The following CRISPLD2 variants were observed in gnomAD, a reference collection of about 807,000 sequenced individuals.
CRISPLD2 encodes the protein cysteine rich secretory protein LCCL domain containing 2.
A neutral mutation model predicts 71.1 loss-of-function variants in CRISPLD2; 47 were observed. That is an observed-to-expected ratio of 0.66 (90% CI 0.52 to 0.84). CRISPLD2 has a LOEUF of 0.84. Among genes scored for constraint, CRISPLD2 ranks in the 40% least tolerant of loss-of-function variants. The probability of loss-of-function intolerance (pLI) is 0.00; values close to 1 mark genes in which losing one functional copy is unlikely to be tolerated. For missense variants in CRISPLD2, 830 were observed against 651.1 expected (o/e 1.27, Z -2.99); for synonymous variants, 317 against 250.1 (o/e 1.27, Z -2.52).
At chr16:84,875,915 C>A (rs927959614) in intron 11 of CRISPLD2, among the ~76,000 whole-genome samples, 2 of 151,958 alleles carry the variant, frequency 1.3e-5, no homozygotes, top group African/African-American at 4.8e-5. Flanking sequence ...GAATGATCTC[C>A]CCATTGAATA....
At chr16:84,849,580 C>T (rs908001672) in intron 4 of CRISPLD2, 63 bp downstream of exon 4, 24 of 1,493,318 alleles carry the variant, frequency 1.6e-5, no homozygotes, top group Non-Finnish European at 1.6e-5. Flanking sequence ...CACCCCCTGC[C>T]CCTGGGGGAT....
intron 4 of CRISPLD2, 131 bp downstream of exon 4, chr16:84,849,648 T>C (rs1310265756): frequency 2.8e-5 from 26 of 932,194 alleles, no homozygotes; most frequent in Non-Finnish European, 4.0e-5. Context: ...AATTCAGTTC[T>C]ATACAGAGTA....
rs781115960 is a variant in CRISPLD2 at position 84,885,812 on chromosome 16, C to CTTTTTTTT, written c.1306-3403_1306-3396dup. 4.7e-4 allele frequency among the ~76,000 whole-genome samples: 45 copies of CTTTTTTTT among 95,776 alleles called. 1 individual carries two copies. Among genetic ancestry groups the CTTTTTTTT allele is most frequent in the South Asian group, 7.4e-4 (2 of 2,716 alleles). 62.8% of individuals were successfully genotyped at this position (95,776 alleles called of 152,430 possible). A position where few individuals can be genotyped will look rare whatever the true frequency, so the allele number is the denominator to read the frequency against. On this transcript the variant is annotated intron_variant, in intron 13 of 14. Transcript: ENST00000262424. ...TTAATGTGGGAATGTTGGATCCCTT[C>CTTTTTTTT]TTTTTTTTTTTTTTTTTTTTTTGAG...
Position 84,906,947 on chromosome 16 carries a change from T to C in CRISPLD2, c.*305T>C, listed in dbSNP as rs2071808316. 6.9e-6 allele frequency: 3 copies of C among 433,130 alleles called. No individual in the cohort carries two copies. The highest frequency in any genetic ancestry group is 6.1e-5 in the African/African-American group (3 of 49,498). The allele number at this position is 433,130 out of a possible 1,614,324, so 26.8% of individuals were successfully genotyped here. On this transcript the variant is annotated 3_prime_UTR_variant, in exon 15 of 15. Transcript: ENST00000262424. ...TCTTAAAGGGGACAGTTGCCCAAAA[T>C]GTTCCTTGCTATGTGTTCTTCTGTT...
intron 14 of CRISPLD2, among the ~76,000 whole-genome samples, chr16:84,896,568 C>G (rs1372791603): frequency 1.3e-5 from 2 of 152,012 alleles, no homozygotes; most frequent in Non-Finnish European, 2.9e-5. Flanking sequence ...GTAAAATAGG[C>G]CTGTGTTAGG....
chr16:84,867,991 T>C (rs1206077300), intron 7 of CRISPLD2, among the ~76,000 whole-genome samples: 1 of 152,172 alleles, frequency 6.6e-6, no homozygotes, highest in Non-Finnish European at 1.5e-5. Flanking sequence ...GCGTTTTTGC[T>C]CAGGCGGGGC....
At chr16:84,880,402 C>A in intron 12 of CRISPLD2, 107 bp from the exon 13 acceptor site, 1 of 800,816 alleles carries the variant, frequency 1.2e-6, no homozygotes, top group South Asian at 2.1e-5. Flanking sequence ...ATGGCGGTTT[C>A]CTTTCATCTA....
chr16:84,831,835 A>G (rs1916496490), intron 1 of CRISPLD2, among the ~76,000 whole-genome samples: 1 of 152,188 alleles, frequency 6.6e-6, no homozygotes, highest in Admixed American at 6.5e-5. Flanking sequence ...CCCAGATTCA[A>G]GTGATTTTCC....
At chr16:84,881,369 G>A (rs978803730) in intron 13 of CRISPLD2, among the ~76,000 whole-genome samples, 9 of 152,012 alleles carry the variant, frequency 5.9e-5, no homozygotes, top group African/African-American at 1.4e-4. Flanking sequence ...TTTTCCCTCC[G>A]AATTTTAACC....
intron 14 of CRISPLD2, among the ~76,000 whole-genome samples, chr16:84,889,641 T>C (rs2934477): frequency 6.6e-6 from 1 of 151,572 alleles, no homozygotes; most frequent in Non-Finnish European, 1.5e-5. Context: ...AGAAAATTTA[T>C]AATCTGTAGG....
intron 1 of CRISPLD2, among the ~76,000 whole-genome samples, chr16:84,824,160 A>T (rs1254222468): frequency 1.3e-5 from 2 of 152,128 alleles, no homozygotes; most frequent in Non-Finnish European, 2.9e-5. Context: ...AGGCAGAGGC[A>T]CCGTGTGTGT....
intron 2 of CRISPLD2, 71 bp downstream of exon 2, chr16:84,838,806 C>T: frequency 6.5e-7 from 1 of 1,542,100 alleles, no homozygotes. Context: ...GCTCTGTTCC[C>T]CAGCCAGCTC....
intron 5 of CRISPLD2, 24 bp from the exon 6 acceptor site, chr16:84,854,705 G>A (rs376944221): frequency 2.5e-6 from 4 of 1,591,010 alleles, no homozygotes; most frequent in Non-Finnish European, 3.5e-6. Flanking sequence ...TCCCTCTGAC[G>A]GTTGTTTTTG....
Position 84,896,365 on chromosome 16 carries a change from A to G in CRISPLD2, c.1439+7002A>G, listed in dbSNP as rs945547820. Among the ~76,000 whole-genome samples the G allele has an allele frequency of 2.0e-5, 3 of 151,284 alleles. No homozygotes were observed. In the East Asian group the frequency reaches 5.8e-4, roughly 29 times the overall value. ...TGCCCAGCCAGGATTGGAATCCTTT[A>G]AAAAAAAAGACTATATATAGAGAGA... On this transcript the variant is annotated intron_variant, in intron 14 of 14. Transcript: ENST00000262424.
intron 10 of CRISPLD2, chr16:84,873,418 C>T (rs1015906606): frequency 2.2e-5 from 4 of 185,960 alleles, no homozygotes; most frequent in Non-Finnish European, 3.1e-5. Context: ...GCAGAGGTTG[C>T]AGTGAGCTAA....
chr16:84,901,279 TATA>T (rs2143386255), intron 14 of CRISPLD2, among the ~76,000 whole-genome samples: 1 of 152,150 alleles, frequency 6.6e-6, no homozygotes, highest in Non-Finnish European at 1.5e-5. Flanking sequence ...AGGGAAAAAA[TATA>T]ATAATTGTTA....
At chr16:84,852,808 C>T (rs1262443358) in intron 5 of CRISPLD2, among the ~76,000 whole-genome samples, 2 of 152,146 alleles carry the variant, frequency 1.3e-5, no homozygotes, top group Admixed American at 6.5e-5. Flanking sequence ...GTGGCTCATG[C>T]CTGTAATCCC....
Position 84,854,757 on chromosome 16 carries a change from A to G in CRISPLD2, c.637A>G (p.Lys213Glu), listed in dbSNP as rs1395492483. 1.9e-6 allele frequency: 3 copies of G among 1,614,002 alleles called. No homozygotes were observed. The highest frequency in any genetic ancestry group is 2.2e-5 in the East Asian group (1 of 44,892). Residue 213 changes from lysine to glutamate, a missense_variant, in exon 6 of 15, where the codon AAG becomes GAG. By Grantham distance (56) the Lys-to-Glu change is moderately conservative (BLOSUM62 1). Coordinates refer to ENST00000262424, the MANE Select transcript of CRISPLD2 (RefSeq NM_031476.4). The part of the protein sequence containing the change: ...KGNWIGEAPY[K>E]NGRPCSECPP... ...GAACTGGATTGGAGAAGCCCCCTAC[A>G]AGAATGGCCGGCCCTGCTCTGAGTG... is the stretch of plus-strand genomic sequence containing the variant.
chr16:84,821,695 C>G (rs565769182), intron 1 of CRISPLD2, among the ~76,000 whole-genome samples: 36 of 152,152 alleles, frequency 2.4e-4, no homozygotes, highest in South Asian at 4.1e-4. Context: ...GGACAATGTA[C>G]CCAGGGAGGA....
Sources: gnomAD v4.1 joint callset for allele counts (sites outside exome capture counted in the v4.1 genomes callset) on GRCh38, gnomAD v4.1.1 for gene constraint, MANE v1.5 for transcripts, NCBI Gene and HGNC (gene_info 2026-07-23, HGNC 2026-07-21) for gene names.